ANKS1B: variants seen among roughly 807,000 people sequenced by gnomAD.
ANKS1B encodes the protein ankyrin repeat and sterile alpha motif domain containing 1B.
ANKS1B carries 36 observed loss-of-function variants against 148.3 expected under a neutral mutation model. The ratio of observed to expected loss-of-function variants is 0.24; its 90% confidence interval spans 0.19 to 0.32. The LOEUF is 0.32. Among genes scored for constraint, ANKS1B ranks in the 10% least tolerant of loss-of-function variants. The probability of loss-of-function intolerance (pLI) is 1.00; values close to 1 mark genes in which losing one functional copy is unlikely to be tolerated. For missense variants in ANKS1B, 1,157 were observed against 1,542.6 expected, an observed-to-expected ratio of 0.75 and a Z score of 4.19; for synonymous variants, 542 against 560.8, an observed-to-expected ratio of 0.97 and a Z score of 0.47.
chr12:99,782,850 G>A (rs553605829), intron 4 of ANKS1B, among the ~76,000 whole-genome samples: 11 of 152,160 alleles, frequency 7.2e-5, no homozygotes, highest in Admixed American at 3.3e-4. Context: ...TTCCAATAGG[G>A]TTACCTCCTG....
chr12:99,206,482 A>C (rs543797150), intron 14 of ANKS1B, among the ~76,000 whole-genome samples: 1 of 152,370 alleles, frequency 6.6e-6, no homozygotes, highest in Non-Finnish European at 1.5e-5. Context: ...ATTTCAAAAA[A>C]AAAATTTAAT....
intron 1 of ANKS1B, among the ~76,000 whole-genome samples, chr12:99,909,217 CGTGTGTGTGTGTGTGTGTGTGTGT>C (rs60264932): frequency 2.2e-5 from 3 of 137,314 alleles, no homozygotes; most frequent in African/African-American, 8.2e-5. Context: ...AATATTCCAT[CGTGTGTGTGTGTGTGTGTGTGTGT>C]GTGTGTGTGT....
Position 99,098,619 on chromosome 12 carries a change from CTTTTTTTTTTTTTTTTTTTTTTTT to C in ANKS1B, c.2527-13620_2527-13597del, listed in dbSNP as rs71081896. ...AATAAAGCATGCCTGCTAGGAACTA[CTTTTTTTTTTTTTTTTTTTTTTTT>C]TTTTTTTTTTTTTTTTTAGAACATA... is the stretch of plus-strand genomic sequence containing the variant. On this transcript the variant is annotated intron_variant, in intron 15 of 26. Coordinates refer to ENST00000683438, the MANE Select transcript of ANKS1B (RefSeq NM_001352186.2). Among the ~76,000 whole-genome samples the C allele has an allele frequency of 1.2e-3, 37 of 32,124 alleles. 1 individual carries two copies. Among genetic ancestry groups the C allele is most frequent in the South Asian group, 4.6e-3 (3 of 658 alleles). 21.1% of individuals were successfully genotyped at this position (32,124 alleles called of 152,430 possible).
At chr12:99,380,303 T>C (rs373699703) in intron 12 of ANKS1B, among the ~76,000 whole-genome samples, 3 of 152,244 alleles carry the variant, frequency 2.0e-5, no homozygotes, top group East Asian at 1.9e-4. Context: ...CACATAGAAA[T>C]TACAAACGGT....
intron 1 of ANKS1B, among the ~76,000 whole-genome samples, chr12:99,911,737 A>G (rs904513456): frequency 1.3e-5 from 2 of 152,192 alleles, no homozygotes; most frequent in South Asian, 2.1e-4. Flanking sequence ...TCGTCAACTC[A>G]TGGTCAAATT....
chr12:99,769,443 A>G (rs1482782560), intron 8 of ANKS1B, among the ~76,000 whole-genome samples: 1 of 152,212 alleles, frequency 6.6e-6, no homozygotes, highest in Admixed American at 6.5e-5. Context: ...GCCTCTCCCC[A>G]GATCAAGCAA....
At chr12:99,383,869 AAAAG>A (rs1301930182) in intron 12 of ANKS1B, among the ~76,000 whole-genome samples, 18 of 145,990 alleles carry the variant, frequency 1.2e-4, no homozygotes, top group Admixed American at 6.1e-4. Flanking sequence ...AAAAAAAAAG[AAAAG>A]AAAAGAAGTA....
chr12:99,908,837 A>G (rs563775509), intron 1 of ANKS1B, among the ~76,000 whole-genome samples: 1 of 152,308 alleles, frequency 6.6e-6, no homozygotes, highest in South Asian at 2.1e-4. Context: ...GTCATCTCAG[A>G]TACCTTTTTT....
chr12:98,799,099 T>G, intron 21 of ANKS1B, 94 bp from the exon 22 acceptor site: 1 of 801,498 alleles, frequency 1.2e-6, no homozygotes, highest in Non-Finnish European at 1.8e-6. Context: ...CTGGCTAGGT[T>G]TCCTGGCTGT....
chr12:99,373,461 T>C (rs533718306), intron 12 of ANKS1B, among the ~76,000 whole-genome samples: 1 of 152,268 alleles, frequency 6.6e-6, no homozygotes, highest in Non-Finnish European at 1.5e-5. Flanking sequence ...GAGTCTCAGT[T>C]GCAATGGCCC....
At position 99,279,305 on chromosome 12, in the gene ANKS1B, A is replaced by G. The variant is rs1325986956; in HGVS notation, c.1757-32441T>C. ...CAGCTCTATTATAAGGAAAAGGGCT[A>G]TTGAGATATAATCTACATACTGTAA... is the stretch of plus-strand genomic sequence containing the variant. On this transcript the variant is annotated intron_variant, in intron 12 of 26. Transcript: ENST00000683438. 2.6e-5 allele frequency among the ~76,000 whole-genome samples: 4 copies of G among 152,258 alleles called. No homozygotes were observed. In the East Asian group the frequency reaches 7.7e-4, roughly 29 times the overall value.
At chr12:99,230,528 C>G (rs1262561488) in intron 14 of ANKS1B, among the ~76,000 whole-genome samples, 1 of 152,114 alleles carries the variant, frequency 6.6e-6, no homozygotes, top group African/African-American at 2.4e-5. Context: ...GAATAATACT[C>G]AACTATTTTA....
At chr12:99,065,629 T>G (rs1179207958) in intron 16 of ANKS1B, among the ~76,000 whole-genome samples, 5 of 127,830 alleles carry the variant, frequency 3.9e-5, no homozygotes, top group South Asian at 2.9e-4. Flanking sequence ...CATCCATCCA[T>G]CCATCCATCC....
Position 99,553,774 on chromosome 12 carries a change from TCTC to T in ANKS1B, c.1273-49136_1273-49134del, listed in dbSNP as rs370524765. 3.2e-4 allele frequency among the ~76,000 whole-genome samples: 48 copies of T among 152,272 alleles called. No individual in the cohort carries two copies. In the East Asian group the frequency reaches 7.9e-3, roughly 25 times the overall value. On this transcript the variant is annotated intron_variant, in intron 9 of 26. Transcript: ENST00000683438. The stretch of plus-strand genomic sequence containing the variant: ...CTTGATTTTTATTTGCGGGATCATC[TCTC>T]CTCCTCTCCAAACCCTTGTAGTTGC...
At chr12:98,984,916 TAGA>T (rs1212453724) in intron 17 of ANKS1B, among the ~76,000 whole-genome samples, 2 of 151,966 alleles carry the variant, frequency 1.3e-5, no homozygotes, top group East Asian at 3.9e-4. Flanking sequence ...GAGGCTGAGG[TAGA>T]AGGATTGCTT....
At chr12:99,234,999 T>C (rs893876942) in intron 14 of ANKS1B, among the ~76,000 whole-genome samples, 61 of 152,230 alleles carry the variant, frequency 4.0e-4, no homozygotes, top group African/African-American at 1.4e-3. Context: ...GAGGTAAAAA[T>C]TGAGGCACAC....
In ANKS1B at chr12:98,751,366, G is replaced by A. The variant is rs867103953; in HGVS notation, c.3736C>T (p.Arg1246Cys). The change falls in exon 26 of 27, where the codon CGC (arginine) becomes TGC (cysteine). Residue 1246 changes from arginine (R) to cysteine (C), a missense_variant. Coordinates refer to ENST00000683438, the MANE Select transcript of ANKS1B (RefSeq NM_001352186.2). The surrounding 1 kb of genome is among the most constrained non-coding windows in gnomAD (Gnocchi z 4.3). ...TCGTTTCTACTTACCACGGACTTGC[G>A]AATGCTAACGCGGGGCTTGGGGATG... is the stretch of plus-strand genomic sequence containing the variant. ...KPIPKPRVSI[R>C]KSVQIDPSEQ... The A allele has an allele frequency of 1.9e-6, 3 of 1,613,528 alleles. No individual in the cohort carries two copies. The highest frequency in any genetic ancestry group is 2.7e-5 in the African/African-American group (2 of 74,904).
At chr12:99,822,253 G>C (rs2153679858) in intron 2 of ANKS1B, among the ~76,000 whole-genome samples, 1 of 152,102 alleles carries the variant, frequency 6.6e-6, no homozygotes, top group South Asian at 2.1e-4. Flanking sequence ...GAAATGTTAG[G>C]TGAAAAAACA....
At chr12:99,602,108 G>C (rs1283698293) in intron 9 of ANKS1B, among the ~76,000 whole-genome samples, 1 of 152,046 alleles carries the variant, frequency 6.6e-6, no homozygotes, top group East Asian at 1.9e-4. Context: ...AGGTCAGAAA[G>C]ATCTTGCTTC....
Sources: allele counts gnomAD v4.1 joint callset (sites outside exome capture counted in the v4.1 genomes callset), GRCh38; gene constraint gnomAD v4.1.1; non-coding constraint Gnocchi (gnomAD v3.1); transcripts MANE v1.5; gene names NCBI Gene and HGNC (gene_info 2026-07-23, HGNC 2026-07-21).